MFSD12: variants seen among roughly 807,000 people sequenced by gnomAD.
The protein encoded by MFSD12 is major facilitator superfamily domain-containing protein 12.
A neutral mutation model predicts 51.2 loss-of-function variants in MFSD12; 67 were observed. That is an observed-to-expected ratio of 1.31 (90% CI 1.08 to 1.60). The LOEUF is 1.60. MFSD12 is among the 40% of genes most tolerant of loss of function. The probability of loss-of-function intolerance (pLI) is 0.00; values close to 1 mark genes in which losing one functional copy is unlikely to be tolerated. For missense variants in MFSD12, 921 were observed against 673.0 expected (o/e 1.37, Z -4.08); for synonymous variants, 441 against 316.7 (o/e 1.39, Z -4.17).
downstream of MFSD12, chr19:3,539,337 T>C: frequency 3.3e-6 from 3 of 897,364 alleles, no homozygotes; most frequent in Non-Finnish European, 5.3e-6. Flanking sequence ...ACATGGTGTT[T>C]GGTTTGGGGT....
chr19:3,545,731 G>A (rs567858847), intron 8 of MFSD12, among the ~76,000 whole-genome samples: 46 of 152,340 alleles, frequency 3.0e-4, no homozygotes, highest in African/African-American at 7.5e-4. Flanking sequence ...CTCTACAGGC[G>A]TGAATGCTGT....
chr19:3,547,211 G>A, intron 6 of MFSD12, 61 bp downstream of exon 6: 1 of 1,436,878 alleles, frequency 7.0e-7, no homozygotes, highest in Non-Finnish European at 9.8e-7. Context: ...GAGCGGGTGG[G>A]ATCTCGGCTG....
chr19:3,555,954 G>A (rs993267938), intron 1 of MFSD12, among the ~76,000 whole-genome samples: 1 of 152,200 alleles, frequency 6.6e-6, no homozygotes, highest in Non-Finnish European at 1.5e-5. Context: ...TGGGCACTGG[G>A]GCAGGGTGAC....
downstream of MFSD12, among the ~76,000 whole-genome samples, chr19:3,540,632 C>A (rs2030310339): frequency 2.6e-5 from 4 of 151,640 alleles, no homozygotes. Flanking sequence ...GTAATTCCAG[C>A]ACTTTCGGAG....
chr19:3,542,284 C>T (rs2030482772), downstream of MFSD12: 1 of 985,246 alleles, frequency 1.0e-6, no homozygotes. Flanking sequence ...TCTGTGGGCA[C>T]CTGGGAGTCT....
At chr19:3,549,954 G>A (rs1046301016) in intron 2 of MFSD12, among the ~76,000 whole-genome samples, 14 of 152,162 alleles carry the variant, frequency 9.2e-5, no homozygotes, top group Middle Eastern at 3.4e-3. Context: ...GGGAGACTAC[G>A]GTGTGTGAGC....
In MFSD12 at chr19:3,544,574, C is replaced by T. The variant is rs1461598082; in HGVS notation, c.*136G>A. The T allele has an allele frequency of 6.9e-7, 1 of 1,459,624 alleles. No individual in the cohort carries two copies. The highest frequency in any genetic ancestry group is 9.0e-7 in the Non-Finnish European group (1 of 1,110,332). The allele number at this position is 1,459,624 out of a possible 1,614,324, so 90.4% of individuals were successfully genotyped here. On this transcript the variant is annotated 3_prime_UTR_variant, in exon 10 of 10. Transcript: ENST00000355415. ...CTGCTGCCCTCACCCGACCCCACCC[C>T]CGGGAGCTGGGTGAGGATGGAGGGT...
chr19:3,544,630 G>T lies in MFSD12; in HGVS notation c.*80C>A. The T allele has an allele frequency of 5.3e-6, 8 of 1,520,996 alleles. No homozygotes were observed. Among genetic ancestry groups the T allele is most frequent in the Non-Finnish European group, 7.1e-6 (8 of 1,132,742 alleles). The allele number at this position is 1,520,996 out of a possible 1,614,324, so 94.2% of individuals were successfully genotyped here. ...TCCAGAGAAGAGTGAGGGGCAGTGG[G>T]GGCTTTTCCCCAAGGCCCTGGGGGG... On this transcript the variant is annotated 3_prime_UTR_variant, in exon 10 of 10. Coordinates refer to ENST00000355415, the MANE Select transcript of MFSD12 (RefSeq NM_174983.5).
intron 2 of MFSD12, 109 bp downstream of exon 2, chr19:3,550,875 G>T: frequency 3.4e-6 from 3 of 872,988 alleles, no homozygotes; most frequent in South Asian, 3.3e-5. Context: ...ATGAAAGACT[G>T]CCTGGTCTCG....
At chr19:3,542,319 G>A (rs748958956), downstream of MFSD12, 59 of 985,264 alleles carry the variant, frequency 6.0e-5, no homozygotes, top group Non-Finnish European at 7.0e-5. Flanking sequence ...CAGAGTTCCT[G>A]CCATGAGAGC....
intron 1 of MFSD12, among the ~76,000 whole-genome samples, chr19:3,555,322 G>A (rs150633987): frequency 1.1e-3 from 174 of 152,272 alleles, no homozygotes; most frequent in African/African-American, 4.1e-3. Flanking sequence ...TGGCCAGGTT[G>A]GTCTCAAACT....
downstream of MFSD12, chr19:3,543,457 G>A: frequency 6.5e-7 from 1 of 1,541,822 alleles, no homozygotes; most frequent in Non-Finnish European, 8.7e-7. Flanking sequence ...AACACCGTGA[G>A]TGCAGCATGC....
At position 3,547,896 on chromosome 19, in the gene MFSD12, C is replaced by A; in HGVS notation, c.789G>T (p.Gln263His). The A allele has an allele frequency of 6.4e-7, 1 of 1,563,514 alleles. No individual in the cohort carries two copies. The highest frequency in any genetic ancestry group is 1.4e-5 in the African/African-American group (1 of 72,612). Reference sequence around the variant, plus strand: ...GCCAGTGCTTCCAGAGCAGCAGGGGCTGGGCCGTGGCAGGGGCCAACAGGG... The same window carrying A: ...GCCAGTGCTTCCAGAGCAGCAGGGGATGGGCCGTGGCAGGGGCCAACAGGG... Reference protein sequence around the residue: ...HTPLLAPATAQPLLLWKHWLR... With the variant: ...HTPLLAPATAHPLLLWKHWLR... The change falls in exon 4 of 10, where the codon CAG becomes CAT. Residue 263 changes from glutamine to histidine, a missense_variant. By Grantham distance (24) the Gln-to-His change is conservative. Transcript: ENST00000355415.
At chr19:3,540,445 A>T (rs1211099775), downstream of MFSD12, among the ~76,000 whole-genome samples, 1 of 151,184 alleles carries the variant, frequency 6.6e-6, no homozygotes, top group Non-Finnish European at 1.5e-5. Flanking sequence ...TTTAGTAGAG[A>T]CGGGGTTTCA....
At position 3,551,332 on chromosome 19, in the gene MFSD12, C is replaced by T. The variant is rs2031467505; in HGVS notation, c.299-138G>A. Reference sequence around the variant, plus strand: ...CCGCATGCACACAGTCACGCAGGAGCGAGGGTCTGCAGTCGGGGTCCCCCA... The same window carrying T: ...CCGCATGCACACAGTCACGCAGGAGTGAGGGTCTGCAGTCGGGGTCCCCCA... On this transcript the variant is annotated intron_variant, in intron 1 of 9. Transcript: ENST00000355415. The surrounding 1 kb of genome is among the most constrained non-coding windows in gnomAD (Gnocchi z 4.6). The T allele has an allele frequency of 5.9e-6, 4 of 677,090 alleles. No homozygotes were observed. The highest frequency in any genetic ancestry group is 3.1e-5 in the Admixed American group (1 of 32,686). 41.9% of individuals were successfully genotyped at this position (677,090 alleles called of 1,614,324 possible).
chr19:3,543,396 C>T (rs1171838667), downstream of MFSD12: 3 of 1,548,804 alleles, frequency 1.9e-6, no homozygotes, highest in African/African-American at 2.7e-5. Context: ...CTGCCACGGG[C>T]CCCGGCCAGC....
downstream of MFSD12, chr19:3,543,187 C>T (rs931161448): frequency 2.4e-5 from 36 of 1,527,552 alleles, no homozygotes; most frequent in Non-Finnish European, 3.0e-5. Flanking sequence ...GGGGTCAAAG[C>T]ACTCGCTGTA....
At chr19:3,542,917 G>A (rs2030542906), downstream of MFSD12, 1 of 1,442,262 alleles carries the variant, frequency 6.9e-7, no homozygotes, top group South Asian at 1.1e-5. Flanking sequence ...AAGGACTGTA[G>A]GAATCCAGGA....
intron 3 of MFSD12, 23 bp downstream of exon 3, chr19:3,548,100 G>A (rs756747296): frequency 1.2e-4 from 194 of 1,603,292 alleles, no homozygotes; most frequent in Admixed American, 2.0e-4. Flanking sequence ...GACTTCAGGC[G>A]ACCCACCCGG....
Sources: gnomAD v4.1 joint callset for allele counts (sites outside exome capture counted in the v4.1 genomes callset) on GRCh38, gnomAD v4.1.1 for gene constraint, Gnocchi (gnomAD v3.1) non-coding constraint, MANE v1.5 for transcripts, NCBI Gene and HGNC (gene_info 2026-07-23, HGNC 2026-07-21) for gene names.